EMILIN1: variants seen among roughly 807,000 people sequenced by gnomAD.
EMILIN1 encodes the protein EMILIN-1.
A neutral mutation model predicts 82.4 loss-of-function variants in EMILIN1; 49 were observed. The ratio of observed to expected loss-of-function variants is 0.59; its 90% CI spans 0.47 to 0.75. EMILIN1 has a LOEUF of 0.75. EMILIN1 is among the 30% of genes least tolerant of loss of function. The pLI is 0.00. For missense variants in EMILIN1, 1,313 were observed against 1,366.4 expected (o/e 0.96, Z 0.62); for synonymous variants, 604 against 602.2 (o/e 1.00, Z -0.04).
In EMILIN1 at chr2:27,082,942, C is replaced by T. The variant is rs577341126; in HGVS notation, c.1371C>T (p.Ser457=). 28 of 1,558,376 alleles carry T rather than the reference C, an allele frequency of 1.8e-5. No homozygotes were observed. The highest frequency in any genetic ancestry group is 2.3e-4 in the Middle Eastern group (1 of 4,418). Reference sequence around the variant, plus strand: ...TGGGGGGGCTGCTGGCCAATGTGAGCGGGGAGCTGGGGGGGCGGTTGGATC... The same window carrying T: ...TGGGGGGGCTGCTGGCCAATGTGAGTGGGGAGCTGGGGGGGCGGTTGGATC... The part of the protein sequence containing the change: ...EQLGGLLANV[S]GELGGRLDLL... The change falls in exon 4 of 8, where the codon AGC becomes AGT. Residue 457 remains serine (S), a synonymous_variant. Coordinates refer to ENST00000380320, the MANE Select transcript of EMILIN1 (RefSeq NM_007046.4).
chr2:27,082,882 C>G lies in EMILIN1; in HGVS notation c.1311C>G (p.His437Gln). The change falls in exon 4 of 8, where the codon CAC (histidine) becomes CAG (glutamine). Residue 437 changes from histidine to glutamine, a missense_variant. His to Gln is a conservative substitution (Grantham distance 24). Transcript: ENST00000380320. ...SWPGAPGGLS[H>Q]WLPAARGRLE... ...CTGGGGCTCCTGGGGGGCTGAGCCA[C>G]TGGCTGCCTGCTGCCCGGGGCCGAC... The G allele has an allele frequency of 6.3e-7, 1 of 1,593,844 alleles. No individual in the cohort carries two copies. The highest frequency in any genetic ancestry group is 8.5e-7 in the Non-Finnish European group (1 of 1,177,468).
At position 27,080,142 on chromosome 2, in the gene EMILIN1, T is replaced by G; in HGVS notation, c.171-9T>G. The G allele has an allele frequency of 6.2e-7, 1 of 1,613,830 alleles. No homozygotes were observed. The highest frequency in any genetic ancestry group is 8.5e-7 in the Non-Finnish European group (1 of 1,179,790). ...TGGTCCTTGGACCCAGAGGGGGTTG[T>G]ACCTACAGGAACTGGTGTGCCTACG... On this transcript the variant is annotated splice_polypyrimidine_tract_variant and intron_variant, in intron 1 of 7. Coordinates refer to ENST00000380320, the MANE Select transcript of EMILIN1 (RefSeq NM_007046.4).
chr2:27,085,715 G>T lies in EMILIN1; in HGVS notation c.2751G>T (p.Leu917=). Residue 917 remains leucine, a synonymous_variant, in exon 8 of 8, where the codon CTG becomes CTT. Transcript: ENST00000380320. ...FTAPLAGRYL[L]SAVLTGHRHE... ...CGCCACTGGCTGGACGCTACTTGCT[G>T]AGCGCGGTGCTGACTGGGCACCGGC... The T allele has an allele frequency of 6.2e-7, 1 of 1,604,724 alleles. No individual in the cohort carries two copies. The highest frequency in any genetic ancestry group is 1.1e-5 in the South Asian group (1 of 90,922).
chr2:27,082,910 G>C lies in EMILIN1; in HGVS notation c.1339G>C (p.Glu447Gln). Residue 447 changes from glutamate to glutamine, a missense_variant, in exon 4 of 8, where the codon GAG becomes CAG. Transcript: ENST00000380320. ...GCTGCCTGCTGCCCGGGGCCGACTAGAGCAGTTGGGGGGGCTGCTGGCCAA... is the reference window on the plus strand; with the variant it reads ...GCTGCCTGCTGCCCGGGGCCGACTACAGCAGTTGGGGGGGCTGCTGGCCAA... ...HWLPAARGRLEQLGGLLANVS... is the reference protein window; with the variant it reads ...HWLPAARGRLQQLGGLLANVS... 2 of 1,591,594 alleles carry C rather than the reference G, an allele frequency of 1.3e-6. No individual in the cohort carries two copies. Among genetic ancestry groups the C allele is most frequent in the Non-Finnish European group, 1.7e-6 (2 of 1,174,618 alleles).
Position 27,083,095 on chromosome 2 carries a change from G to C in EMILIN1, c.1524G>C (p.Glu508Asp). Residue 508 changes from glutamate to aspartate, a missense_variant, in exon 4 of 8, where the codon GAG becomes GAC. By Grantham distance (45) the Glu-to-Asp change is conservative (BLOSUM62 2). Transcript: ENST00000380320. ...SALERRVLDS[E>D]GQLRLVGSGL... ...TGGAGCGCAGGGTGCTGGACAGTGA[G>C]GGGCAGCTGCGGCTGGTGGGCTCCG... The C allele has an allele frequency of 6.4e-7, 1 of 1,561,300 alleles. No homozygotes were observed. The highest frequency in any genetic ancestry group is 1.2e-5 in the South Asian group (1 of 82,330).
chr2:27,084,637 G>A (rs1669558812), intron 5 of EMILIN1, 106 bp downstream of exon 5: 1 of 714,400 alleles, frequency 1.4e-6, no homozygotes, highest in Non-Finnish European at 2.5e-6. Flanking sequence ...AACTTGACAA[G>A]GGGAATTGGG....
intron 5 of EMILIN1, 113 bp downstream of exon 5, chr2:27,084,644 T>G: frequency 1.4e-6 from 1 of 698,946 alleles, no homozygotes; most frequent in African/African-American, 1.8e-5. Flanking sequence ...CAAGGGGAAT[T>G]GGGTACTACC....
In EMILIN1 at chr2:27,080,200, G is replaced by C; in HGVS notation, c.220G>C (p.Asp74His). 1 of 1,614,170 alleles carries C rather than the reference G, an allele frequency of 6.2e-7. No individual in the cohort carries two copies. Among genetic ancestry groups the C allele is most frequent in the East Asian group, 2.2e-5 (1 of 44,874 alleles). ...VTRTVSCVLEDGVETYVKYQP... is the reference protein window; with the variant it reads ...VTRTVSCVLEHGVETYVKYQP... ...CCGGACAGTGAGCTGTGTCCTTGAG[G>C]ATGGAGTGGAGACATATGTCAAGTA... Residue 74 changes from aspartate to histidine, a missense_variant, in exon 2 of 8, where the codon GAT becomes CAT. By Grantham distance (81) the Asp-to-His change is moderately conservative (BLOSUM62 -1). Coordinates refer to ENST00000380320, the MANE Select transcript of EMILIN1 (RefSeq NM_007046.4).
At chr2:27,085,523 A>C (rs1209034894) in intron 7 of EMILIN1, among the ~76,000 whole-genome samples, 155 bp from the exon 8 acceptor site, 1 of 152,164 alleles carries the variant, frequency 6.6e-6, no homozygotes, top group Non-Finnish European at 1.5e-5. Context: ...GCACTGTTTT[A>C]AGTGCTGGGA....
In EMILIN1 at chr2:27,084,426, G is replaced by A. The variant is rs768972327; in HGVS notation, c.2452G>A (p.Glu818Lys). Residue 818 changes from glutamate (E) to lysine (K), a missense_variant, in exon 5 of 8, where the codon GAG (glutamate) becomes AAG (lysine). Transcript: ENST00000380320. The part of the protein sequence containing the change: ...SLKDLTGPAG[E>K]AGPPGPPGLQ... ...TTTTGTCACTGTAGGGCCTGCAGGAGAGGCTGGGCCCCCAGGGCCTCCTGG... is the reference window on the plus strand; with the variant it reads ...TTTTGTCACTGTAGGGCCTGCAGGAAAGGCTGGGCCCCCAGGGCCTCCTGG... 6 of 1,606,634 alleles carry A rather than the reference G, an allele frequency of 3.7e-6. No individual in the cohort carries two copies. The highest frequency in any genetic ancestry group is 1.3e-5 in the African/African-American group (1 of 74,774).
At position 27,086,242 on chromosome 2, in the gene EMILIN1, C is replaced by A. The variant is rs1669635938; in HGVS notation, c.*227C>A. 1 of 370,434 alleles carries A rather than the reference C, an allele frequency of 2.7e-6. No individual in the cohort carries two copies. The highest frequency in any genetic ancestry group is 2.1e-5 in the African/African-American group (1 of 46,632). The allele number at this position is 370,434 out of a possible 1,614,324, so 22.9% of individuals were successfully genotyped here. Reference sequence around the variant, plus strand: ...TGGCCTGGCGCGATCCCCCAAGAACCCCTCCAGGGCCGGCCTGCGGAGGAG... The same window carrying A: ...TGGCCTGGCGCGATCCCCCAAGAACACCTCCAGGGCCGGCCTGCGGAGGAG... On this transcript the variant is annotated 3_prime_UTR_variant, in exon 8 of 8. Coordinates refer to ENST00000380320, the MANE Select transcript of EMILIN1 (RefSeq NM_007046.4).
rs112694523 is a variant in EMILIN1 at position 27,078,669 on chromosome 2, G to A, written c.-397G>A. 410 of 175,130 alleles carry A rather than the reference G, an allele frequency of 2.3e-3. 1 individual carries two copies. The highest frequency in any genetic ancestry group is 8.9e-3 in the African/African-American group (380 of 42,476). 10.8% of individuals were successfully genotyped at this position (175,130 alleles called of 1,614,324 possible). The stretch of plus-strand genomic sequence containing the variant: ...CAAAGCCCTGTCACCCCCAGGATCC[G>A]GTCATCAGGGAAAGAGGACAGGGAG... On this transcript the variant is annotated 5_prime_UTR_variant, in exon 1 of 8. Coordinates refer to ENST00000380320, the MANE Select transcript of EMILIN1 (RefSeq NM_007046.4).
rs1197505212 is a variant in EMILIN1, at chr2:27,079,186, C to T, written c.121C>T (p.Pro41Ser). 1 of 1,582,446 alleles carries T rather than the reference C, an allele frequency of 6.3e-7. No individual in the cohort carries two copies. Among genetic ancestry groups the T allele is most frequent in the Admixed American group, 1.9e-5 (1 of 52,132 alleles). The part of the protein sequence containing the change: ...LYTGSSGALS[P>S]GGPQAQIAPR... Reference sequence around the variant, plus strand: ...CACAGGTTCCAGTGGGGCCCTCAGCCCCGGGGGGCCCCAGGCCCAGATTGC... The same window carrying T: ...CACAGGTTCCAGTGGGGCCCTCAGCTCCGGGGGGCCCCAGGCCCAGATTGC... Residue 41 changes from proline (P) to serine (S), a missense_variant, in exon 1 of 8, where the codon CCC becomes TCC. Pro to Ser is a moderately conservative substitution (Grantham distance 74). Transcript: ENST00000380320.
At position 27,080,946 on chromosome 2, in the gene EMILIN1, G is replaced by A. The variant is rs1312822822; in HGVS notation, c.505G>A (p.Gly169Arg). Residue 169 changes from glycine to arginine, a missense_variant, in exon 3 of 8, where the codon GGA becomes AGA. Gly to Arg is a moderately radical substitution (Grantham distance 125). Transcript: ENST00000380320. ...AGGCAGCCCCCTCAGTGGACTGGGG[G>A]GAGAAGGTGAGTGTGGGAGCTGCTG... is the stretch of plus-strand genomic sequence containing the variant. The part of the protein sequence containing the change: ...SAGSPLSGLG[G>R]EGPGESEKVQ... 17 of 1,584,066 alleles carry A rather than the reference G, an allele frequency of 1.1e-5. No homozygotes were observed. Among genetic ancestry groups the A allele is most frequent in the Non-Finnish European group, 1.4e-5 (16 of 1,163,786 alleles).
In EMILIN1 at chr2:27,082,268, G is replaced by T. The variant is rs1669490222; in HGVS notation, c.697G>T (p.Val233Leu). 1 of 1,613,136 alleles carries T rather than the reference G, an allele frequency of 6.2e-7. No homozygotes were observed. Among genetic ancestry groups the T allele is most frequent in the South Asian group, 1.1e-5 (1 of 91,094 alleles). ...QPADAAARPG[V>L]HETLNEIQHQ... ...AGCTGACGCGGCTGCCCGCCCTGGG[G>T]TGCATGAAACCCTCAATGAGATCCA... Residue 233 changes from valine to leucine, a missense_variant, in exon 4 of 8, where the codon GTG becomes TTG. Physicochemically the swap from Val to Leu is conservative, Grantham distance 32. Coordinates refer to ENST00000380320, the MANE Select transcript of EMILIN1 (RefSeq NM_007046.4).
intron 2 of EMILIN1, 34 bp downstream of exon 2, chr2:27,080,304 G>A (rs1558432473): frequency 3.7e-6 from 6 of 1,611,642 alleles, no homozygotes; most frequent in Non-Finnish European, 5.1e-6. Flanking sequence ...GGCCCTTGGT[G>A]GGAACTGGGC....
rs1669583137 is a variant in EMILIN1 at position 27,085,236 on chromosome 2, A to T, written c.2652A>T (p.Pro884=). 2 of 1,614,032 alleles carry T rather than the reference A, an allele frequency of 1.2e-6. No homozygotes were observed. The highest frequency in any genetic ancestry group is 3.3e-5 in the Admixed American group (2 of 60,012). ...CTCTGAGTTTGCCCCGGTCTGAACC[A>T]GGCACGGTCCCCTTCGACAGAGTCC... ...SAALSLPRSE[P]GTVPFDRVLL... The change falls in exon 7 of 8, where the codon CCA becomes CCT. Residue 884 remains proline (P), a synonymous_variant. Transcript: ENST00000380320.
rs770274226 is a variant in EMILIN1 at position 27,084,529 on chromosome 2, C to T, written c.2555C>T (p.Pro852Leu). 9.4e-6 allele frequency: 15 copies of T among 1,596,396 alleles called. No individual in the cohort carries two copies. Among genetic ancestry groups the T allele is most frequent in the Non-Finnish European group, 1.3e-5 (15 of 1,164,664 alleles). Residue 852 changes from proline to leucine, a missense_variant and splice_region_variant, in exon 5 of 8, where the codon CCA becomes CTA. Coordinates refer to ENST00000380320, the MANE Select transcript of EMILIN1 (RefSeq NM_007046.4). ...GGGCAAGAGGGCCCCATCGGGCCAC[C>T]AGGTATGTGCACTGAGACCCTTGCT... ...KDGQEGPIGPPGPQGEQGVEG... is the reference protein window; with the variant it reads ...KDGQEGPIGPLGPQGEQGVEG...
chr2:27,081,108 C>CGTGTGTGTGT (rs56048649), intron 3 of EMILIN1, among the ~76,000 whole-genome samples, 156 bp downstream of exon 3: 344 of 142,650 alleles, frequency 2.4e-3, no homozygotes, highest in African/African-American at 6.3e-3. Context: ...ATTCCCTGCC[C>CGTGTGTGTGT]GTGTGTGTGT....
Sources: gnomAD v4.1 joint callset for allele counts (sites outside exome capture counted in the v4.1 genomes callset) on GRCh38, gnomAD v4.1.1 for gene constraint, MANE v1.5 for transcripts, NCBI Gene and HGNC (gene_info 2026-07-23, HGNC 2026-07-21) for gene names.